GABRA4: variants seen among roughly 807,000 people sequenced by gnomAD.
The protein encoded by GABRA4 is gamma-aminobutyric acid receptor subunit alpha-4.
In GABRA4, 12 loss-of-function variants were observed where a neutral mutation model predicts 49.7. The ratio of observed to expected loss-of-function variants is 0.24; its 90% CI spans 0.15 to 0.39. The LOEUF is 0.39. Ranked by LOEUF, GABRA4 falls within the 10% of genes least tolerant of loss-of-function variation. The pLI, the probability that GABRA4 is intolerant of heterozygous loss-of-function variation, is 1.00. For missense variants in GABRA4, 506 were observed against 686.0 expected (o/e 0.74, Z 2.93); for synonymous variants, 288 against 240.2 (o/e 1.20, Z -1.84).
intron 3 of GABRA4, 89 bp from the exon 4 acceptor site, chr4:46,977,719 T>G (rs1723196427): frequency 1.2e-6 from 1 of 865,564 alleles, no homozygotes; most frequent in African/African-American, 1.7e-5. Flanking sequence ...TCTTCCTTCA[T>G]GCTCATAAAA....
Position 46,920,694 on chromosome 4 carries a change from G to A in GABRA4, c.*7531C>T, listed in dbSNP as rs1487185577. 3 of 151,600 alleles carry A rather than the reference G, an allele frequency of 2.0e-5. No homozygotes were observed. The highest frequency in any genetic ancestry group is 4.4e-5 in the Non-Finnish European group (3 of 67,722). 9.4% of individuals were successfully genotyped at this position (151,600 alleles called of 1,614,324 possible). Reference sequence around the variant, plus strand: ...CACACCAAAATTCCAATGTATTACAGGGAGGTATTTCCAAATTAGGTTATA... The same window carrying A: ...CACACCAAAATTCCAATGTATTACAAGGAGGTATTTCCAAATTAGGTTATA... On this transcript the variant is annotated 3_prime_UTR_variant, in exon 9 of 9. Transcript: ENST00000264318.
chr4:46,925,791 A>T lies in GABRA4; in HGVS notation c.*2434T>A, dbSNP rs1275984185. 4 of 148,056 alleles carry T rather than the reference A, an allele frequency of 2.7e-5. No individual in the cohort carries two copies. Among genetic ancestry groups the T allele is most frequent in the African/African-American group, 9.8e-5 (4 of 40,622 alleles). The allele number at this position is 148,056 out of a possible 1,614,324, so 9.2% of individuals were successfully genotyped here. A position where few individuals can be genotyped will look rare whatever the true frequency, so the allele number is the denominator to read the frequency against. ...TATTATCATTGTGTGCAAATGAAAT[A>T]ATTTATTTTAATAATAATGTTTAAG... On this transcript the variant is annotated 3_prime_UTR_variant, in exon 9 of 9. Coordinates refer to ENST00000264318, the MANE Select transcript of GABRA4 (RefSeq NM_000809.4).
rs957879369 is a variant in GABRA4 at position 46,925,681 on chromosome 4, T to C, written c.*2544A>G. On this transcript the variant is annotated 3_prime_UTR_variant, in exon 9 of 9. Transcript: ENST00000264318. ...ACCAAAATAAAAATCACTGAATGAA[T>C]TTGATGAAATTCAGTTAAGGAAAGC... 8.0e-5 allele frequency: 12 copies of C among 150,024 alleles called. No homozygotes were observed. The highest frequency in any genetic ancestry group is 2.7e-4 in the African/African-American group (11 of 41,056). The allele number at this position is 150,024 out of a possible 1,614,324, so 9.3% of individuals were successfully genotyped here.
rs1458112290 is a variant in GABRA4, at chr4:46,928,041, A to G, written c.*184T>C. Reference sequence around the variant, plus strand: ...TTCTTTTAAAATAATTTTTCTGAAAAAAAACATAGTTCACTTTTTCACTCA... The same window carrying G: ...TTCTTTTAAAATAATTTTTCTGAAAGAAAACATAGTTCACTTTTTCACTCA... On this transcript the variant is annotated 3_prime_UTR_variant, in exon 9 of 9. Transcript: ENST00000264318. 3 of 539,660 alleles carry G rather than the reference A, an allele frequency of 5.6e-6. No individual in the cohort carries two copies. The highest frequency in any genetic ancestry group is 9.4e-6 in the Non-Finnish European group (3 of 320,524). The allele number at this position is 539,660 out of a possible 1,614,324, so 33.4% of individuals were successfully genotyped here.
At chr4:46,992,354 A>G (rs1453852950) in intron 2 of GABRA4, among the ~76,000 whole-genome samples, 2 of 152,228 alleles carry the variant, frequency 1.3e-5, no homozygotes, top group African/African-American at 4.8e-5. Flanking sequence ...CTAGCAGAGC[A>G]GGCAGCTTCA....
At chr4:46,969,622 A>G (rs1295937865) in intron 7 of GABRA4, among the ~76,000 whole-genome samples, 1 of 151,578 alleles carries the variant, frequency 6.6e-6, no homozygotes, top group East Asian at 1.9e-4. Flanking sequence ...AGTATTGGAG[A>G]AAGTAATTAA....
chr4:46,980,301 G>A (rs916974903), intron 2 of GABRA4, among the ~76,000 whole-genome samples: 11 of 149,796 alleles, frequency 7.3e-5, no homozygotes, highest in African/African-American at 2.5e-4. Context: ...CCGTAACTGG[G>A]AAGAATGACA....
intron 8 of GABRA4, among the ~76,000 whole-genome samples, chr4:46,959,909 G>A (rs1428165345): frequency 6.7e-6 from 1 of 150,308 alleles, no homozygotes; most frequent in Non-Finnish European, 1.5e-5. Context: ...AGCAATCCTG[G>A]CATTGAGGAG....
chr4:46,988,563 A>G (rs952570241), intron 2 of GABRA4, among the ~76,000 whole-genome samples: 1 of 152,236 alleles, frequency 6.6e-6, no homozygotes, highest in Admixed American at 6.5e-5. Context: ...AGATCATTTG[A>G]AAACACTGCA....
intron 8 of GABRA4, among the ~76,000 whole-genome samples, chr4:46,933,856 G>C (rs994257728): frequency 6.6e-6 from 1 of 152,160 alleles, no homozygotes; most frequent in African/African-American, 2.4e-5. Context: ...TTTGTCATTA[G>C]TCACAATAGC....
In GABRA4 at chr4:46,940,203, G is replaced by T. The variant is rs546718915; in HGVS notation, c.1135-11448C>A. ...CTTCCACAAACTATCCCTGAAATTT[G>T]GATATAGCACTTTAAAAAGCTATTT... is the stretch of plus-strand genomic sequence containing the variant. On this transcript the variant is annotated intron_variant, in intron 8 of 8. Coordinates refer to ENST00000264318, the MANE Select transcript of GABRA4 (RefSeq NM_000809.4). Among the ~76,000 whole-genome samples, 7 of 152,024 alleles carry T rather than the reference G, an allele frequency of 4.6e-5. No homozygotes were observed. The South Asian group carries it at 1.5e-3, about 32-fold the overall frequency.
chr4:46,928,807 G>C (rs1276893195), intron 8 of GABRA4, 52 bp from the exon 9 acceptor site: 10 of 1,278,950 alleles, frequency 7.8e-6, no homozygotes, highest in Non-Finnish European at 1.1e-5. Flanking sequence ...ATGCAGATTT[G>C]TACAAAATTT....
At position 46,928,844 on chromosome 4, in the gene GABRA4, T is replaced by A. The variant is rs540916713; in HGVS notation, c.1135-89A>T. The A allele has an allele frequency of 2.7e-5, 23 of 836,420 alleles. No homozygotes were observed. In the South Asian group the frequency reaches 3.7e-4, roughly 14 times the overall value. The allele number at this position is 836,420 out of a possible 1,614,324, so 51.8% of individuals were successfully genotyped here. On this transcript the variant is annotated intron_variant, in intron 8 of 8. Coordinates refer to ENST00000264318, the MANE Select transcript of GABRA4 (RefSeq NM_000809.4). ...AAGGGATCAAAATTCTTAAAATTAG[T>A]CATTTCCATAAAATAAAACTTTATT...
intron 3 of GABRA4, 23 bp from the exon 4 acceptor site, chr4:46,977,653 T>G: frequency 6.5e-7 from 1 of 1,539,048 alleles, no homozygotes; most frequent in East Asian, 2.3e-5. Flanking sequence ...TTTTGGAACA[T>G]ATTTAAGTTG....
intron 8 of GABRA4, among the ~76,000 whole-genome samples, chr4:46,942,721 A>G (rs1721851746): frequency 6.6e-6 from 1 of 151,224 alleles, no homozygotes; most frequent in Non-Finnish European, 1.5e-5. Flanking sequence ...CCATTATTCT[A>G]TATTCTAGCA....
intron 8 of GABRA4, among the ~76,000 whole-genome samples, chr4:46,959,042 T>G (rs1722467860): frequency 6.6e-6 from 1 of 151,984 alleles, no homozygotes; most frequent in Non-Finnish European, 1.5e-5. Context: ...AATTCAAAAC[T>G]TATAATTCTT....
chr4:46,987,367 C>G (rs1212945393), intron 2 of GABRA4, among the ~76,000 whole-genome samples: 1 of 152,118 alleles, frequency 6.6e-6, no homozygotes, highest in East Asian at 1.9e-4. Context: ...AATTATTCTA[C>G]TTAAAATTGC....
At chr4:46,968,607 G>A (rs899726873) in intron 7 of GABRA4, among the ~76,000 whole-genome samples, 1 of 151,604 alleles carries the variant, frequency 6.6e-6, no homozygotes, top group African/African-American at 2.4e-5. Flanking sequence ...TGACTACCTT[G>A]CTGAGTAATT....
At chr4:46,969,264 A>G (rs1488386940) in intron 7 of GABRA4, among the ~76,000 whole-genome samples, 2 of 151,616 alleles carry the variant, frequency 1.3e-5, no homozygotes, top group African/African-American at 2.4e-5. Flanking sequence ...TCATTTAAAA[A>G]AATGTATACA....
Sources: gnomAD v4.1 joint callset for allele counts (sites outside exome capture counted in the v4.1 genomes callset) on GRCh38, gnomAD v4.1.1 for gene constraint, MANE v1.5 for transcripts, NCBI Gene and HGNC (gene_info 2026-07-23, HGNC 2026-07-21) for gene names.